RECQL4: variants seen among roughly 807,000 people sequenced by gnomAD.
The protein encoded by RECQL4 is ATP-dependent DNA helicase Q4.
RECQL4 carries 158 observed loss-of-function variants against 128.6 expected under a neutral mutation model. The observed-to-expected ratio is 1.23, with a 90% CI of 1.08 to 1.40. RECQL4 has a LOEUF of 1.40. RECQL4 is among the 40% of genes most tolerant of loss of function. RECQL4 has a pLI of 0.00. For synonymous variants in RECQL4, 996 were observed against 678.9 expected, an observed-to-expected ratio of 1.47 and a Z score of -7.26; for missense variants, 2,293 against 1,649.8, an observed-to-expected ratio of 1.39 and a Z score of -6.75.
At position 144,512,320 on chromosome 8, in the gene RECQL4, C is replaced by T. The variant is rs768374433; in HGVS notation, c.3060G>A (p.Val1020=). ...CCACAAGCACCCCTGTCCCACGCCGCACACCTGCCGGAAAGCATGTCAGAT... is the reference window on the plus strand; with the variant it reads ...CCACAAGCACCCCTGTCCCACGCCGTACACCTGCCGGAAAGCATGTCAGAT... The part of the protein sequence containing the change: ...LQWDHEPRTG[V]RRGTGVLVEF... Residue 1020 remains valine (V), a synonymous_variant, in exon 18 of 21, where the codon GTG becomes GTA. Coordinates refer to ENST00000617875, the MANE Select transcript of RECQL4 (RefSeq NM_004260.4). 5.0e-6 allele frequency: 8 copies of T among 1,612,244 alleles called. No homozygotes were observed. The highest frequency in any genetic ancestry group is 3.3e-4 in the Middle Eastern group (2 of 6,058).
Position 144,517,475 on chromosome 8 carries a change from G to C in RECQL4, c.152C>G (p.Thr51Ser). The stretch of plus-strand genomic sequence containing the variant: ...GAGCCCGCCGCCGGCCTGGCCCGTG[G>C]TACGCTTCAGAGTGCGGTATTCCCG... ...LYREYRTLKR[T>S]TGQAGGGLRS... Residue 51 changes from threonine to serine, a missense_variant, in exon 3 of 21, where the codon ACC becomes AGC. By Grantham distance (58) the Thr-to-Ser change is moderately conservative. Coordinates refer to ENST00000617875, the MANE Select transcript of RECQL4 (RefSeq NM_004260.4). 1 of 1,597,050 alleles carries C rather than the reference G, an allele frequency of 6.3e-7. No homozygotes were observed. The highest frequency in any genetic ancestry group is 8.5e-7 in the Non-Finnish European group (1 of 1,176,314).
At chr8:144,516,820 A>C in intron 4 of RECQL4, 56 bp from the exon 5 acceptor site, 1 of 1,482,236 alleles carries the variant, frequency 6.7e-7, no homozygotes, top group Non-Finnish European at 9.0e-7. Flanking sequence ...GCTACTGTAG[A>C]CTCTAAAACC....
intron 4 of RECQL4, 29 bp downstream of exon 4, chr8:144,517,021 C>T (rs773052012): frequency 2.5e-6 from 4 of 1,599,928 alleles, no homozygotes; most frequent in East Asian, 4.5e-5. Context: ...GTGGACCTAG[C>T]GTGGACTCAC....
At position 144,512,981 on chromosome 8, in the gene RECQL4, A is replaced by G; in HGVS notation, c.2621T>C (p.Val874Ala). 6.4e-7 allele frequency: 1 copy of G among 1,570,126 alleles called. No individual in the cohort carries two copies. The highest frequency in any genetic ancestry group is 1.2e-5 in the South Asian group (1 of 85,966). ...AGCCTCTTGAGGGGGGTACTTGGGC[A>G]CAGGCCTCTCCCCACCCACGGCCCC... ...QEGAVGGERP[V>A]PKYPPQEAEQ... is the part of the protein sequence containing the mutation. Residue 874 changes from valine (V) to alanine (A), a missense_variant, in exon 15 of 21, where the codon GTG (valine) becomes GCG (alanine). Coordinates refer to ENST00000617875, the MANE Select transcript of RECQL4 (RefSeq NM_004260.4).
Position 144,512,390 on chromosome 8 carries a change from A to G in RECQL4, c.3055+2T>C, listed in dbSNP as rs2130661643. 1 of 1,607,090 alleles carries G rather than the reference A, an allele frequency of 6.2e-7. No homozygotes were observed. Among genetic ancestry groups the G allele is most frequent in the South Asian group, 1.1e-5 (1 of 90,944 alleles). ...GGCGGTGTGGGGTGGGGAGAGGCGC[A>G]CCTGTCCTGGGCTCGTGGTCCCACT... On this transcript the variant is annotated splice_donor_variant, in intron 17 of 20. Transcript: ENST00000617875. LOFTEE classifies it high-confidence loss of function.
intron 16 of RECQL4, 37 bp downstream of exon 16, chr8:144,512,605 C>A (rs1284105101): frequency 6.2e-7 from 1 of 1,611,740 alleles, no homozygotes; most frequent in East Asian, 2.2e-5. Flanking sequence ...AGCCCTGATT[C>A]TCCAACCTCG....
Position 144,512,237 on chromosome 8 carries a change from TTC to T in RECQL4, c.3141_3142del (p.Lys1048GlyfsTer5), listed in dbSNP as rs773765879. 20 of 1,612,284 alleles carry T rather than the reference TTC, an allele frequency of 1.2e-5. No homozygotes were observed. Among genetic ancestry groups the T allele is most frequent in the Non-Finnish European group, 1.5e-5 (18 of 1,179,646 alleles). On this transcript the variant is annotated frameshift_variant, in exon 18 of 21. Transcript: ENST00000617875. LOFTEE classifies it high-confidence loss of function. The stretch of plus-strand genomic sequence containing the variant: ...ATAGAGGAAGTCACATATCTGGTCC[TTC>T]TCCTCAGCGGTCAAGTCCCCCGGGC...
rs1409163404 is a variant in RECQL4 at position 144,514,360 on chromosome 8, A to T, written c.1707T>A (p.Ile569=). The part of the protein sequence containing the change: ...RKQRESVLQK[I]RAAQVHVLML... ...TCAGCACGTGTACCTGGGCTGCCCGAATCTGAAGGCAGCAAGATCAGAGGC... is the reference window on the plus strand; with the variant it reads ...TCAGCACGTGTACCTGGGCTGCCCGTATCTGAAGGCAGCAAGATCAGAGGC... The change falls in exon 11 of 21, where the codon ATT becomes ATA. Residue 569 remains isoleucine (I), a splice_region_variant and synonymous_variant. Transcript: ENST00000617875. 1 of 1,600,668 alleles carries T rather than the reference A, an allele frequency of 6.2e-7. No homozygotes were observed. Among genetic ancestry groups the T allele is most frequent in the Non-Finnish European group, 8.5e-7 (1 of 1,171,396 alleles).
chr8:144,513,974 G>A lies in RECQL4; in HGVS notation c.2012C>T (p.Pro671Leu), dbSNP rs889029109. The A allele has an allele frequency of 5.8e-6, 9 of 1,564,066 alleles. No homozygotes were observed. Among genetic ancestry groups the A allele is most frequent in the Middle Eastern group, 1.7e-4 (1 of 5,716 alleles). ...GGACACGGAAAGGTGCAGGTTGGTG[G>A]GAACTGGGGCTGGCCCGTGGAGGTC... The part of the protein sequence containing the change: ...EPDLHGPAPV[P>L]TNLHLSVSMD... Residue 671 changes from proline to leucine, a missense_variant, in exon 12 of 21, where the codon CCC becomes CTC. By Grantham distance (98) the Pro-to-Leu change is moderately conservative. Coordinates refer to ENST00000617875, the MANE Select transcript of RECQL4 (RefSeq NM_004260.4).
rs761157177 is a variant in RECQL4 at position 144,511,766 on chromosome 8, G to A, written c.3417C>T (p.Val1139=). The stretch of plus-strand genomic sequence containing the variant: ...ACAGGAACTGGCGGATGTCGCAGCG[G>A]ACCTGGTCCTCCCAATCCTGGAGCT... ...QARLQDWEDQ[V]RCDIRQFLSL... The change falls in exon 20 of 21, where the codon GTC becomes GTT. Residue 1139 remains valine (V), a synonymous_variant. Coordinates refer to ENST00000617875, the MANE Select transcript of RECQL4 (RefSeq NM_004260.4). The A allele has an allele frequency of 2.5e-6, 4 of 1,612,462 alleles. No homozygotes were observed. The African/African-American group carries it at 4.0e-5, about 16-fold the overall frequency.
rs1164056429 is a variant in RECQL4 at position 144,514,124 on chromosome 8, A to C, written c.1879-17T>G. ...CCGAAGCACCTGCACCAGAGGCGGC[A>C]GTGGTGTGAGGCCGCCCAGCCCATC... On this transcript the variant is annotated splice_polypyrimidine_tract_variant and intron_variant, in intron 11 of 20. Coordinates refer to ENST00000617875, the MANE Select transcript of RECQL4 (RefSeq NM_004260.4). 6.2e-7 allele frequency: 1 copy of C among 1,609,614 alleles called. No homozygotes were observed. The highest frequency in any genetic ancestry group is 2.2e-5 in the East Asian group (1 of 44,802).
rs369488194 is a variant in RECQL4, at chr8:144,513,342, C to T, written c.2339G>A (p.Arg780Gln). The T allele has an allele frequency of 2.1e-5, 34 of 1,604,512 alleles. No individual in the cohort carries two copies. The highest frequency in any genetic ancestry group is 1.0e-4 in the Admixed American group (6 of 59,974). ...ATVAFGMGLD[R>Q]PDVRAVLHLG... The stretch of plus-strand genomic sequence containing the variant: ...ATGCAGCACAGCCCGCACATCTGGC[C>T]GGTCCAGCCCCATCCCAAAGGCCAC... Residue 780 changes from arginine (R) to glutamine (Q), a missense_variant, in exon 14 of 21, where the codon CGG (arginine) becomes CAG (glutamine). By Grantham distance (43) the Arg-to-Gln change is conservative. Coordinates refer to ENST00000617875, the MANE Select transcript of RECQL4 (RefSeq NM_004260.4).
intron 6 of RECQL4, 35 bp downstream of exon 6, chr8:144,515,729 T>C (rs949569158): frequency 6.2e-7 from 1 of 1,608,544 alleles, no homozygotes; most frequent in African/African-American, 1.3e-5. Flanking sequence ...CTCCACAGTG[T>C]TGGCCGGACC....
At chr8:144,513,548 C>T (rs1452730223) in intron 13 of RECQL4, 23 bp downstream of exon 13, 1 of 1,610,982 alleles carries the variant, frequency 6.2e-7, no homozygotes, top group African/African-American at 1.3e-5. Context: ...TCCACGGGGA[C>T]ACCAGCTCTG....
Position 144,516,553 on chromosome 8 carries a change from C to T in RECQL4, c.566G>A (p.Gly189Asp), listed in dbSNP as rs1564808143. Residue 189 changes from glycine (G) to aspartate (D), a missense_variant, in exon 5 of 21, where the codon GGC becomes GAC. Transcript: ENST00000617875. ...CTCACTGTGACATCGCTGTAACCAG[C>T]CAGGATCTAGGGAGCCCAGCCGCTG... ...LSQRLGSLDPGWLQRCHSEVP... is the reference protein window; with the variant it reads ...LSQRLGSLDPDWLQRCHSEVP... 6.2e-7 allele frequency: 1 copy of T among 1,609,944 alleles called. No homozygotes were observed.
chr8:144,517,730 G>A lies in RECQL4; in HGVS notation c.55C>T (p.Arg19Ter), dbSNP rs1401366375. The A allele has an allele frequency of 7.4e-7, 1 of 1,351,376 alleles. No homozygotes were observed. Among genetic ancestry groups the A allele is most frequent in the South Asian group, 1.7e-5 (1 of 57,576 alleles). The allele number at this position is 1,351,376 out of a possible 1,614,324, so 83.7% of individuals were successfully genotyped here. The change falls in exon 1 of 21, where the codon CGA becomes TGA. Residue 19 changes from arginine (R) to a stop codon, truncating the protein, a stop_gained. Transcript: ENST00000617875. LOFTEE classifies it high-confidence loss of function. ...CTCGGTCGCCGCCCGCGCTGCCGTC[G>A]GAACGCGCGCTCCCACGCCTGCAGC... ...ERLQAWERAF[R>*]RQRGRRPSQD... is the part of the protein sequence containing the mutation.
At position 144,517,039 on chromosome 8, in the gene RECQL4, C is replaced by T. The variant is rs767703150; in HGVS notation, c.354+11G>A. On this transcript the variant is annotated intron_variant, in intron 4 of 20. Coordinates refer to ENST00000617875, the MANE Select transcript of RECQL4 (RefSeq NM_004260.4). ...GACCTAGCGTGGACTCACTGCCTGC[C>T]CACTCCTCACCTGCAGGGTGCCTTT... 6 of 1,606,162 alleles carry T rather than the reference C, an allele frequency of 3.7e-6. No individual in the cohort carries two copies. Among genetic ancestry groups the T allele is most frequent in the Non-Finnish European group, 4.3e-6 (5 of 1,174,752 alleles).
chr8:144,517,733 A>ACG lies in RECQL4; in HGVS notation c.50_51dup (p.Phe18ArgfsTer32), dbSNP rs1391918705. On this transcript the variant is annotated frameshift_variant, in exon 1 of 21. Coordinates refer to ENST00000617875, the MANE Select transcript of RECQL4 (RefSeq NM_004260.4). LOFTEE classifies it high-confidence loss of function. ...GGTCGCCGCCCGCGCTGCCGTCGGA[A>ACG]CGCGCGCTCCCACGCCTGCAGCCGC... 7.4e-7 allele frequency: 1 copy of ACG among 1,349,682 alleles called. No homozygotes were observed. The highest frequency in any genetic ancestry group is 9.5e-7 in the Non-Finnish European group (1 of 1,049,884). 83.6% of individuals were successfully genotyped at this position (1,349,682 alleles called of 1,614,324 possible). A position where few individuals can be genotyped will look rare whatever the true frequency, so the allele number is the denominator to read the frequency against.
In RECQL4 at chr8:144,513,095, C is replaced by A; in HGVS notation, c.2507G>T (p.Ser836Ile). Residue 836 changes from serine to isoleucine, a missense_variant, in exon 15 of 21, where the codon AGC becomes ATC. Coordinates refer to ENST00000617875, the MANE Select transcript of RECQL4 (RefSeq NM_004260.4). ...CCTCTTCACAGCCAGGAAGTCCGTG[C>A]TGTCGGCGTGCACATGTCTGCGCAG... ...RELRRHVHAD[S>I]TDFLAVKRLV... The A allele has an allele frequency of 6.4e-7, 1 of 1,573,468 alleles. No homozygotes were observed. The highest frequency in any genetic ancestry group is 1.2e-5 in the South Asian group (1 of 85,766).
Sources: gnomAD v4.1 joint callset for allele counts on GRCh38, gnomAD v4.1.1 for gene constraint, MANE v1.5 for transcripts, NCBI Gene and HGNC (gene_info 2026-07-23, HGNC 2026-07-21) for gene names.